MACROD2: variants seen among roughly 807,000 people sequenced by gnomAD.
MACROD2 encodes the protein ADP-ribose glycohydrolase MACROD2.
Under a neutral mutation model 70.4 loss-of-function variants are expected in MACROD2, and 36 were observed. The ratio of observed to expected loss-of-function variants is 0.51; its 90% confidence interval spans 0.39 to 0.68. The LOEUF (loss-of-function observed/expected upper bound fraction) is 0.68, where lower values mean the gene tolerates loss of function less well. Among genes scored for constraint, MACROD2 ranks in the 30% least tolerant of loss-of-function variants. The pLI, the probability that MACROD2 is intolerant of heterozygous loss-of-function variation, is 0.00. For synonymous variants in MACROD2, 172 were observed against 178.8 expected (o/e 0.96, Z 0.30); for missense variants, 496 against 538.4 (o/e 0.92, Z 0.78).
At chr20:14,222,608 A>G (rs1028968320) in intron 3 of MACROD2, among the ~76,000 whole-genome samples, 36 of 152,246 alleles carry the variant, frequency 2.4e-4, no homozygotes, top group African/African-American at 8.4e-4. Flanking sequence ...ATATAATAAA[A>G]TTGCACTTAT....
At chr20:15,955,118 G>C (rs2065958528) in intron 12 of MACROD2, among the ~76,000 whole-genome samples, 1 of 152,134 alleles carries the variant, frequency 6.6e-6, no homozygotes, top group Admixed American at 6.6e-5. Context: ...TTTGGGCTGG[G>C]ATGTGAAGGG....
At chr20:14,988,904 T>C (rs1433802602) in intron 5 of MACROD2, among the ~76,000 whole-genome samples, 2 of 152,134 alleles carry the variant, frequency 1.3e-5, no homozygotes, top group Non-Finnish European at 2.9e-5. Context: ...TTGTTTAATA[T>C]TTAAATTATT....
chr20:14,139,201 A>G (rs933307640), intron 3 of MACROD2, among the ~76,000 whole-genome samples: 1 of 152,018 alleles, frequency 6.6e-6, no homozygotes. Context: ...GGCATTATAC[A>G]TAGTCTCAAA....
intron 8 of MACROD2, among the ~76,000 whole-genome samples, chr20:15,837,811 T>C (rs1027618817): frequency 1.9e-4 from 29 of 152,218 alleles, no homozygotes; most frequent in Non-Finnish European, 3.7e-4. Flanking sequence ...ATGCTTATCC[T>C]GTGGTTGTTG....
At chr20:15,520,355 C>T (rs185261897) in intron 8 of MACROD2, among the ~76,000 whole-genome samples, 1 of 152,262 alleles carries the variant, frequency 6.6e-6, no homozygotes, top group Non-Finnish European at 1.5e-5. Flanking sequence ...GGCATGGAGA[C>T]CTTCCCCAAC....
intron 3 of MACROD2, among the ~76,000 whole-genome samples, chr20:14,381,698 T>C (rs2083421892): frequency 6.6e-6 from 1 of 152,232 alleles, no homozygotes; most frequent in Non-Finnish European, 1.5e-5. Context: ...TATGTGTGCT[T>C]ATCCCTTCAT....
chr20:15,093,038 A>C (rs2075803606), intron 5 of MACROD2, among the ~76,000 whole-genome samples: 1 of 152,212 alleles, frequency 6.6e-6, no homozygotes, highest in African/African-American at 2.4e-5. Flanking sequence ...TTACATGTGC[A>C]ATACTAAGAA....
chr20:14,286,002 C>T (rs1002323002), intron 3 of MACROD2, among the ~76,000 whole-genome samples: 7 of 149,214 alleles, frequency 4.7e-5, no homozygotes, highest in Admixed American at 6.7e-5. Context: ...AAGTGAAACA[C>T]AATTCTGTAG....
At chr20:15,179,648 A>G (rs2076486633) in intron 5 of MACROD2, among the ~76,000 whole-genome samples, 1 of 152,154 alleles carries the variant, frequency 6.6e-6, no homozygotes, top group South Asian at 2.1e-4. Context: ...GCCCAGCCCC[A>G]AGGATACCAG....
intron 6 of MACROD2, among the ~76,000 whole-genome samples, chr20:15,368,858 G>A (rs953521351): frequency 6.6e-6 from 1 of 152,150 alleles, no homozygotes; most frequent in Non-Finnish European, 1.5e-5. Flanking sequence ...TACATTTAAC[G>A]TGGGTTCATT....
chr20:14,482,342 A>C (rs2084672484), intron 3 of MACROD2, among the ~76,000 whole-genome samples: 1 of 152,206 alleles, frequency 6.6e-6, no homozygotes, highest in South Asian at 2.1e-4. Flanking sequence ...GCACTACTAG[A>C]GAAAGTCTTC....
At chr20:14,270,899 A>T (rs1014957038) in intron 3 of MACROD2, among the ~76,000 whole-genome samples, 2 of 152,238 alleles carry the variant, frequency 1.3e-5, no homozygotes, top group Admixed American at 1.3e-4. Context: ...CTAGCACAGC[A>T]GTCTGAGATC....
chr20:15,053,423 G>C lies in MACROD2; in HGVS notation c.419-176517G>C, dbSNP rs565921654. On this transcript the variant is annotated intron_variant, in intron 5 of 17. Coordinates refer to ENST00000684519, the MANE Select transcript of MACROD2 (RefSeq NM_001351661.2). Reference sequence around the variant, plus strand: ...CAGCCAGTGCTCATTGGCCATTTTGGAATTTCTATCGTCCTTAAGAATTAT... The same window carrying C: ...CAGCCAGTGCTCATTGGCCATTTTGCAATTTCTATCGTCCTTAAGAATTAT... 2.0e-5 allele frequency among the ~76,000 whole-genome samples: 3 copies of C among 152,196 alleles called. No homozygotes were observed. The East Asian group carries it at 5.8e-4, about 29-fold the overall frequency.
intron 6 of MACROD2, among the ~76,000 whole-genome samples, chr20:15,258,282 T>C (rs1222779257): frequency 6.6e-6 from 1 of 152,034 alleles, no homozygotes; most frequent in African/African-American, 2.4e-5. Context: ...GTTTATAAAG[T>C]CTACAGTAGG....
intron 5 of MACROD2, among the ~76,000 whole-genome samples, chr20:14,865,071 C>T (rs1463428144): frequency 6.6e-6 from 1 of 152,092 alleles, no homozygotes; most frequent in Non-Finnish European, 1.5e-5. Flanking sequence ...TCTTGTCTTT[C>T]CCCTACTATG....
chr20:14,593,702 C>T (rs1426871482), intron 4 of MACROD2, among the ~76,000 whole-genome samples: 1 of 152,128 alleles, frequency 6.6e-6, no homozygotes, highest in Non-Finnish European at 1.5e-5. Flanking sequence ...GCCAAGCATA[C>T]TACTTCTACT....
intron 8 of MACROD2, among the ~76,000 whole-genome samples, chr20:15,792,927 T>C (rs1258246187): frequency 6.6e-6 from 1 of 152,188 alleles, no homozygotes; most frequent in Non-Finnish European, 1.5e-5. Context: ...CGGACCTGGC[T>C]GAACCATTAA....
intron 6 of MACROD2, among the ~76,000 whole-genome samples, chr20:15,379,223 T>G (rs2423961): frequency 0.92 from 140,532 of 152,214 alleles, 64,933 homozygotes; most frequent in East Asian, 0.98. Flanking sequence ...ACACCTAAAG[T>G]TTAGGAAGTG....
intron 8 of MACROD2, among the ~76,000 whole-genome samples, chr20:15,782,320 A>ACTTACTATT (rs1212398676): frequency 6.6e-6 from 1 of 152,048 alleles, no homozygotes; most frequent in African/African-American, 2.4e-5. Context: ...AACAACAAAT[A>ACTTACTATT]CTTACTATTT....
Sources: allele counts gnomAD v4.1 joint callset (sites outside exome capture counted in the v4.1 genomes callset), GRCh38; gene constraint gnomAD v4.1.1; transcripts MANE v1.5; gene names NCBI Gene and HGNC (gene_info 2026-07-23, HGNC 2026-07-21).